Variants in MBD5 observed in about 807,000 individuals in gnomAD.
MBD5 encodes the protein methyl-CpG-binding domain protein 5.
A neutral mutation model predicts 117.3 loss-of-function variants in MBD5; 13 were observed. The ratio of observed to expected loss-of-function variants is 0.11; its 90% CI spans 0.07 to 0.18. The LOEUF is 0.18. Ranked by LOEUF, MBD5 falls within the 10% of genes least tolerant of loss-of-function variation. The pLI, the probability that MBD5 is intolerant of heterozygous loss-of-function variation, is 1.00. For missense variants in MBD5, 1,879 were observed against 2,093.8 expected (o/e 0.90, Z 2.00); for synonymous variants, 727 against 766.4 (o/e 0.95, Z 0.85).
At chr2:148,049,934 C>G (rs1373613212) in intron 1 of MBD5, among the ~76,000 whole-genome samples, 1 of 152,146 alleles carries the variant, frequency 6.6e-6, no homozygotes, top group Non-Finnish European at 1.5e-5. Flanking sequence ...GGATGTACCA[C>G]ATTTTGTTTA....
intron 3 of MBD5, among the ~76,000 whole-genome samples, chr2:148,269,860 C>T (rs1366742563): frequency 6.6e-6 from 1 of 151,802 alleles, no homozygotes; most frequent in African/African-American, 2.4e-5. Context: ...TCAATCTTCT[C>T]TCTTAACTTT....
intron 2 of MBD5, among the ~76,000 whole-genome samples, chr2:148,197,806 G>GTTT (rs67499597): frequency 2.5e-4 from 23 of 92,496 alleles, no homozygotes; most frequent in Non-Finnish European, 3.3e-4. Flanking sequence ...TTTTTTTTTT[G>GTTT]TTTTTTTTTT....
chr2:148,350,862 T>C (rs1023094038), intron 4 of MBD5, among the ~76,000 whole-genome samples: 3 of 152,000 alleles, frequency 2.0e-5, no homozygotes, highest in Admixed American at 1.3e-4. Context: ...TTATCTCTTT[T>C]TATATGCAAT....
At chr2:148,271,429 A>T (rs1026148231) in intron 3 of MBD5, among the ~76,000 whole-genome samples, 2 of 152,132 alleles carry the variant, frequency 1.3e-5, no homozygotes, top group African/African-American at 4.8e-5. Context: ...TTTTGAAAGA[A>T]GTTATTTTCC....
At chr2:148,361,927 C>T (rs1344819733) in intron 4 of MBD5, among the ~76,000 whole-genome samples, 7 of 152,248 alleles carry the variant, frequency 4.6e-5, no homozygotes, top group African/African-American at 1.7e-4. Context: ...ACAGGAGAGA[C>T]TGTGCCATGC....
At position 148,360,242 on chromosome 2, in the gene MBD5, A is replaced by G. The variant is rs140958357; in HGVS notation, c.-557+17906A>G. 5.5e-4 allele frequency among the ~76,000 whole-genome samples: 83 copies of G among 152,266 alleles called. 1 individual carries two copies. The East Asian group carries it at 0.011, about 19-fold the overall frequency. On this transcript the variant is annotated intron_variant, in intron 4 of 13. Transcript: ENST00000642680. Reference sequence around the variant, plus strand: ...ATTATCATATCTGTTTGCCTTTATTATAAGTGGAAGCTGTAGTTTCTGATT... The same window carrying G: ...ATTATCATATCTGTTTGCCTTTATTGTAAGTGGAAGCTGTAGTTTCTGATT...
chr2:148,395,615 G>A (rs562885126), intron 4 of MBD5, among the ~76,000 whole-genome samples: 1 of 152,114 alleles, frequency 6.6e-6, no homozygotes, highest in Admixed American at 6.5e-5. Flanking sequence ...AGTAGAGACA[G>A]GGTTTTACCA....
chr2:148,370,789 A>G (rs1246556036), intron 4 of MBD5, among the ~76,000 whole-genome samples: 1 of 152,210 alleles, frequency 6.6e-6, no homozygotes, highest in African/African-American at 2.4e-5. Context: ...ATGCTGGCTG[A>G]TAGCCTAATT....
intron 3 of MBD5, among the ~76,000 whole-genome samples, chr2:148,325,669 A>T (rs941314999): frequency 1.1e-4 from 16 of 152,078 alleles, no homozygotes; most frequent in Admixed American, 2.6e-4. Flanking sequence ...TTTCTGTGGG[A>T]TCGGTGGTGA....
chr2:148,310,847 T>C (rs766997162), intron 3 of MBD5, among the ~76,000 whole-genome samples: 6 of 152,086 alleles, frequency 3.9e-5, no homozygotes, highest in Non-Finnish European at 2.9e-5. Flanking sequence ...TACATTGTGT[T>C]TTTATTTTCA....
intron 3 of MBD5, among the ~76,000 whole-genome samples, chr2:148,237,138 A>G (rs1247233217): frequency 1.3e-5 from 2 of 152,180 alleles, no homozygotes; most frequent in East Asian, 1.9e-4. Flanking sequence ...AGTCAGTTTG[A>G]TCTTCTATCC....
At chr2:148,117,955 C>T (rs1696678971) in intron 1 of MBD5, among the ~76,000 whole-genome samples, 1 of 152,148 alleles carries the variant, frequency 6.6e-6, no homozygotes, top group African/African-American at 2.4e-5. Context: ...TTTTGATCTG[C>T]TCCAGCACAT....
At chr2:148,026,704 C>T (rs1693901625) in intron 1 of MBD5, 1 of 152,200 alleles carries the variant, frequency 6.6e-6, no homozygotes, top group Non-Finnish European at 1.5e-5. Flanking sequence ...GGATTTATCA[C>T]TTGAGGCTAG....
At chr2:148,096,477 T>A (rs999811104) in intron 1 of MBD5, among the ~76,000 whole-genome samples, 1 of 152,116 alleles carries the variant, frequency 6.6e-6, no homozygotes, top group Non-Finnish European at 1.5e-5. Context: ...CATCTCTCAT[T>A]TTGAAAATAA....
chr2:148,150,035 T>A (rs1413689701), intron 1 of MBD5, among the ~76,000 whole-genome samples: 75 of 127,920 alleles, frequency 5.9e-4, no homozygotes, highest in African/African-American at 2.1e-3. Flanking sequence ...TCCTGAATGG[T>A]AATGCCTAGG....
chr2:148,379,507 G>C (rs1404514486), intron 4 of MBD5, among the ~76,000 whole-genome samples: 1 of 151,946 alleles, frequency 6.6e-6, no homozygotes, highest in Non-Finnish European at 1.5e-5. Context: ...ATAATGATTA[G>C]AAAAAATTCA....
intron 2 of MBD5, among the ~76,000 whole-genome samples, chr2:148,200,413 T>C (rs1045899631): frequency 1.3e-5 from 2 of 152,134 alleles, no homozygotes; most frequent in African/African-American, 4.8e-5. Flanking sequence ...GATCTGGGGC[T>C]GGGCGCGGTG....
chr2:148,435,441 AATG>A (rs561312188), intron 4 of MBD5, among the ~76,000 whole-genome samples: 3 of 152,156 alleles, frequency 2.0e-5, no homozygotes, highest in Non-Finnish European at 2.9e-5. Context: ...GTCTGGTAGT[AATG>A]AATTCTCTTA....
chr2:148,159,166 T>C lies in MBD5; in HGVS notation c.-924-19534T>C, dbSNP rs182571509. ...GTTAATCAAGACTCAAACACTCTTA[T>C]TCTGTTTCCAAATCCGTGCTTGTTC... On this transcript the variant is annotated intron_variant, in intron 1 of 13. Coordinates refer to ENST00000642680, the MANE Select transcript of MBD5 (RefSeq NM_001378120.1). Among the ~76,000 whole-genome samples the C allele has an allele frequency of 4.6e-5, 7 of 152,360 alleles. No individual in the cohort carries two copies. The East Asian group carries it at 1.3e-3, about 29-fold the overall frequency.
Sources: gnomAD v4.1 joint callset for allele counts (sites outside exome capture counted in the v4.1 genomes callset) on GRCh38, gnomAD v4.1.1 for gene constraint, MANE v1.5 for transcripts, NCBI Gene and HGNC (gene_info 2026-07-23, HGNC 2026-07-21) for gene names.